Variants in GOLGA8J observed in about 807,000 individuals in gnomAD.
GOLGA8J encodes the protein golgin A8 family member J.
Under a neutral mutation model 67.7 loss-of-function variants are expected in GOLGA8J, and 19 were observed. That is an observed-to-expected ratio of 0.28 (90% CI 0.20 to 0.41). The LOEUF (loss-of-function observed/expected upper bound fraction) is 0.41. Ranked by LOEUF, GOLGA8J falls within the 10% of genes least tolerant of loss-of-function variation. The pLI is 1.00. For missense variants in GOLGA8J, 205 were observed against 584.3 expected, an observed-to-expected ratio of 0.35 and a Z score of 6.69; for synonymous variants, 69 against 215.9, an observed-to-expected ratio of 0.32 and a Z score of 5.97.
Position 30,084,916 on chromosome 15 carries a change from G to A in GOLGA8J, c.168+26G>A. The A allele has an allele frequency of 1.3e-6, 2 of 1,491,282 alleles. 1 individual carries two copies. The allele number at this position is 1,491,282 out of a possible 1,614,324, so 92.4% of individuals were successfully genotyped here. A position where few individuals can be genotyped will look rare whatever the true frequency, so the allele number is the denominator to read the frequency against. On this transcript the variant is annotated intron_variant, in intron 2 of 18. Coordinates refer to ENST00000567927, the MANE Select transcript of GOLGA8J (RefSeq NM_001282472.2). ...GTGAGTCTTGGCTGACCAGGCTTCT[G>A]GGGACAGGGGGCCCAAGGGGCAGTA...
chr15:30,095,372 G>A lies in GOLGA8J; in HGVS notation c.*1873G>A, dbSNP rs1250789271. Among the ~76,000 whole-genome samples the A allele has an allele frequency of 2.8e-5, 4 of 141,160 alleles. No individual in the cohort carries two copies. In the South Asian group the frequency reaches 6.9e-4, roughly 24 times the overall value. The allele number at this position is 141,160 out of a possible 152,430, so 92.6% of individuals were successfully genotyped here. A position where few individuals can be genotyped will look rare whatever the true frequency, so the allele number is the denominator to read the frequency against. On this transcript the variant is annotated 3_prime_UTR_variant, in exon 19 of 19. Transcript: ENST00000567927. ...ATTCACTGAAAGAGTGCAAATATTC[G>A]GTCCTTGTGACTTCCACTGACTCTT... is the stretch of plus-strand genomic sequence containing the variant.
At chr15:30,084,360 G>A (rs2057327918) in intron 1 of GOLGA8J, among the ~76,000 whole-genome samples, 1 of 126,912 alleles carries the variant, frequency 7.9e-6, no homozygotes, top group South Asian at 2.6e-4. Context: ...CTGCCATGAG[G>A]ACACATTGAT....
chr15:30,091,964 T>G lies in GOLGA8J; in HGVS notation c.1277-78T>G, dbSNP rs540016302. ...GAGGGGCAGGCTCAGGGTTACACAG[T>G]GAGGGTGGAGGTAGAGGTGGGCCCA... On this transcript the variant is annotated intron_variant, in intron 14 of 18. Coordinates refer to ENST00000567927, the MANE Select transcript of GOLGA8J (RefSeq NM_001282472.2). The G allele has an allele frequency of 2.5e-5, 38 of 1,491,154 alleles. No individual in the cohort carries two copies. The African/African-American group carries it at 5.1e-4, about 20-fold the overall frequency. The allele number at this position is 1,491,154 out of a possible 1,614,324, so 92.4% of individuals were successfully genotyped here. A position where few individuals can be genotyped will look rare whatever the true frequency, so the allele number is the denominator to read the frequency against.
At position 30,090,488 on chromosome 15, in the gene GOLGA8J, A is replaced by T. The variant is rs534691008; in HGVS notation, c.1200+208A>T. The stretch of plus-strand genomic sequence containing the variant: ...CCCTGGGCTCCTCTAAGGTCTGGAC[A>T]TCATCATCCCAGCTAGAGGCATGGA... On this transcript the variant is annotated intron_variant, in intron 13 of 18. Coordinates refer to ENST00000567927, the MANE Select transcript of GOLGA8J (RefSeq NM_001282472.2). Among the ~76,000 whole-genome samples, 550 of 148,022 alleles carry T rather than the reference A, an allele frequency of 3.7e-3. 39 individuals are homozygous for T. Among genetic ancestry groups the T allele is most frequent in the African/African-American group, 0.014 (527 of 38,868 alleles).
At position 30,089,036 on chromosome 15, in the gene GOLGA8J, A is replaced by G; in HGVS notation, c.782A>G (p.Gln261Arg). Residue 261 changes from glutamine to arginine, a missense_variant, in exon 10 of 19, where the codon CAG becomes CGG. Physicochemically the swap from Gln to Arg is conservative, Grantham distance 43 (BLOSUM62 1). Coordinates refer to ENST00000567927, the MANE Select transcript of GOLGA8J (RefSeq NM_001282472.2). ...CAGCAGAGGATGAGAAAAATGTCGC[A>G]GGAGGTGAGATCTGACCCTTCAGCC... ...RWQQRMRKMSQEICTLKKEKQ... is the reference protein window; with the variant it reads ...RWQQRMRKMSREICTLKKEKQ... 8.3e-7 allele frequency: 1 copy of G among 1,201,138 alleles called. No homozygotes were observed. Among genetic ancestry groups the G allele is most frequent in the East Asian group, 2.5e-5 (1 of 40,312 alleles). The allele number at this position is 1,201,138 out of a possible 1,614,324, so 74.4% of individuals were successfully genotyped here.
Position 30,085,284 on chromosome 15 carries a change from A to G in GOLGA8J, c.168+394A>G, listed in dbSNP as rs866157511. 5.6e-3 allele frequency among the ~76,000 whole-genome samples: 574 copies of G among 103,302 alleles called. 23 individuals carry two copies. The highest frequency in any genetic ancestry group is 7.2e-3 in the Non-Finnish European group (425 of 59,320). 67.8% of individuals were successfully genotyped at this position (103,302 alleles called of 152,430 possible). On this transcript the variant is annotated intron_variant, in intron 2 of 18. Transcript: ENST00000567927. Reference sequence around the variant, plus strand: ...GACAGAGCAAGACTCTGTCTCAAAGAAAAAAAAAAAAAGGAATTCTGGGTT... The same window carrying G: ...GACAGAGCAAGACTCTGTCTCAAAGGAAAAAAAAAAAAGGAATTCTGGGTT...
Position 30,092,796 on chromosome 15 carries a change from A to G in GOLGA8J, c.1457A>G (p.Glu486Gly), listed in dbSNP as rs779508041. 2.5e-6 allele frequency: 4 copies of G among 1,577,566 alleles called. No individual in the cohort carries two copies. Among genetic ancestry groups the G allele is most frequent in the Non-Finnish European group, 3.4e-6 (4 of 1,166,776 alleles). The stretch of plus-strand genomic sequence containing the variant: ...CTCTGCTTCATCCACCACTGGCGAG[A>G]GAGATGCCATCAGTGAGTGGGAGGC... ...KELCFIHHWR[E>G]RCHQKTHHLL... The change falls in exon 16 of 19, where the codon GAG (glutamate) becomes GGG (glycine). Residue 486 changes from glutamate (E) to glycine (G), a missense_variant. Glu to Gly is a moderately conservative substitution (Grantham distance 98, BLOSUM62 -2). Transcript: ENST00000567927.
intron 1 of GOLGA8J, 128 bp from the exon 2 acceptor site, chr15:30,084,643 C>T: frequency 2.0e-6 from 1 of 496,938 alleles, no homozygotes; most frequent in Middle Eastern, 5.8e-4. Flanking sequence ...AGTGTGACAA[C>T]ACCTTGTACA....
rs1434891025 is a variant in GOLGA8J, at chr15:30,094,349, A to C, written c.*850A>C. Among the ~76,000 whole-genome samples the C allele has an allele frequency of 1.4e-5, 2 of 147,742 alleles. No individual in the cohort carries two copies. The highest frequency in any genetic ancestry group is 3.0e-5 in the Non-Finnish European group (2 of 67,634). On this transcript the variant is annotated 3_prime_UTR_variant, in exon 19 of 19. Coordinates refer to ENST00000567927, the MANE Select transcript of GOLGA8J (RefSeq NM_001282472.2). ...TTCTGAGGAATGAAAGGTTCCCATCATTGACTGTGGATGTGGGAAACCTTT... is the reference window on the plus strand; with the variant it reads ...TTCTGAGGAATGAAAGGTTCCCATCCTTGACTGTGGATGTGGGAAACCTTT...
Position 30,092,305 on chromosome 15 carries a change from C to T in GOLGA8J, c.1368+172C>T, listed in dbSNP as rs553687370. Among the ~76,000 whole-genome samples the T allele has an allele frequency of 1.4e-4, 20 of 141,708 alleles. 2 individuals carry two copies. In the East Asian group the frequency reaches 3.5e-3, roughly 25 times the overall value. The allele number at this position is 141,708 out of a possible 152,430, so 93.0% of individuals were successfully genotyped here. On this transcript the variant is annotated intron_variant, in intron 15 of 18. Transcript: ENST00000567927. ...GGCCAACAGGTGCACTCTCTGAGGC[C>T]CCAAGGGAAGGGGTTGCGCTCCACC...
Position 30,093,527 on chromosome 15 carries a change from A to G in GOLGA8J, c.*28A>G, listed in dbSNP as rs2057437978. 3.0e-6 allele frequency: 2 copies of G among 657,836 alleles called. No individual in the cohort carries two copies. 40.7% of individuals were successfully genotyped at this position (657,836 alleles called of 1,614,324 possible). ...ATCACCATCCTCAAAGAGCTGCTCA[A>G]GAAATTTTTAAATAAGAAACCAAGT... On this transcript the variant is annotated 3_prime_UTR_variant, in exon 19 of 19. Transcript: ENST00000567927.
Position 30,090,416 on chromosome 15 carries a change from C to T in GOLGA8J, c.1200+136C>T, listed in dbSNP as rs2057387091. ...GACCACAGCACCCCCCAGGGCAGTC[C>T]TGTGACTGTTTCTTGCTTCCTGCCT... On this transcript the variant is annotated intron_variant, in intron 13 of 18. Transcript: ENST00000567927. The T allele has an allele frequency of 2.6e-6, 4 of 1,524,276 alleles. No individual in the cohort carries two copies. In the South Asian group the frequency reaches 4.7e-5, roughly 18 times the overall value. The allele number at this position is 1,524,276 out of a possible 1,614,324, so 94.4% of individuals were successfully genotyped here.
Position 30,093,244 on chromosome 15 carries a change from G to A in GOLGA8J, c.1723+5G>A, listed in dbSNP as rs1294313732. 2 of 1,585,660 alleles carry A rather than the reference G, an allele frequency of 1.3e-6. No individual in the cohort carries two copies. The highest frequency in any genetic ancestry group is 1.7e-6 in the Non-Finnish European group (2 of 1,173,840). On this transcript the variant is annotated splice_donor_5th_base_variant and intron_variant, in intron 18 of 18. Transcript: ENST00000567927. ...GGGCTGCAGACAAGCATGGTCGTGA[G>A]TAGAGCCCTCAGGTGGGGTGGGCAG...
At chr15:30,091,326 C>A (rs947979242) in intron 13 of GOLGA8J, among the ~76,000 whole-genome samples, 1 of 133,014 alleles carries the variant, frequency 7.5e-6, no homozygotes, top group Admixed American at 7.3e-5. Context: ...AGCAGCTGAC[C>A]TGTGAGAAGG....
Position 30,088,821 on chromosome 15 carries a change from A to G in GOLGA8J, c.673A>G (p.Thr225Ala). ...REEALLKVQL[T>A]QFKESFQQVQ... ...GGAGGCACTACTGAAAGTGCAGCTG[A>G]CACAGGTGAGGTTTTCTGAGGGAGT... is the stretch of plus-strand genomic sequence containing the variant. The change falls in exon 9 of 19, where the codon ACA (threonine) becomes GCA (alanine). Residue 225 changes from threonine to alanine, a missense_variant. Coordinates refer to ENST00000567927, the MANE Select transcript of GOLGA8J (RefSeq NM_001282472.2). 1 of 1,430,586 alleles carries G rather than the reference A, an allele frequency of 7.0e-7. No individual in the cohort carries two copies. Among genetic ancestry groups the G allele is most frequent in the Non-Finnish European group, 9.7e-7 (1 of 1,029,174 alleles). The allele number at this position is 1,430,586 out of a possible 1,614,324, so 88.6% of individuals were successfully genotyped here.
At position 30,088,795 on chromosome 15, in the gene GOLGA8J, A is replaced by G; in HGVS notation, c.647A>G (p.Glu216Gly). 6 of 1,547,072 alleles carry G rather than the reference A, an allele frequency of 3.9e-6. No individual in the cohort carries two copies. The highest frequency in any genetic ancestry group is 5.3e-6 in the Non-Finnish European group (6 of 1,131,598). Residue 216 changes from glutamate (E) to glycine (G), a missense_variant, in exon 9 of 19, where the codon GAG becomes GGG. Physicochemically the swap from Glu to Gly is moderately conservative, Grantham distance 98 (BLOSUM62 -2). Coordinates refer to ENST00000567927, the MANE Select transcript of GOLGA8J (RefSeq NM_001282472.2). ...TEWKLEQSMR[E>G]EALLKVQLTQ... ...TGGAAGTTAGAGCAGTCCATGCGGG[A>G]GGAGGCACTACTGAAAGTGCAGCTG... is the stretch of plus-strand genomic sequence containing the variant.
Position 30,089,967 on chromosome 15 carries a change from C to G in GOLGA8J, c.1131+11C>G. The G allele has an allele frequency of 6.6e-7, 1 of 1,523,146 alleles. No individual in the cohort carries two copies. Among genetic ancestry groups the G allele is most frequent in the East Asian group, 2.3e-5 (1 of 43,036 alleles). 94.4% of individuals were successfully genotyped at this position (1,523,146 alleles called of 1,614,324 possible). ...GTCTTCAAGGAGCCGGTGCGTTGCC[C>G]AAACTGGGGAGCTTGCCCTCCTCCC... On this transcript the variant is annotated intron_variant, in intron 12 of 18. Coordinates refer to ENST00000567927, the MANE Select transcript of GOLGA8J (RefSeq NM_001282472.2).
chr15:30,090,002 G>A lies in GOLGA8J; in HGVS notation c.1131+46G>A, dbSNP rs781096145. The A allele has an allele frequency of 5.4e-5, 78 of 1,446,492 alleles. 6 individuals are homozygous for A. In the East Asian group the frequency reaches 1.7e-3, roughly 31 times the overall value. 89.6% of individuals were successfully genotyped at this position (1,446,492 alleles called of 1,614,324 possible). A position where few individuals can be genotyped will look rare whatever the true frequency, so the allele number is the denominator to read the frequency against. On this transcript the variant is annotated intron_variant, in intron 12 of 18. Coordinates refer to ENST00000567927, the MANE Select transcript of GOLGA8J (RefSeq NM_001282472.2). The stretch of plus-strand genomic sequence containing the variant: ...AGCTTGCCCTCCTCCCTAGACCTCC[G>A]GGCCTTTGTTTCCCCACCTCTAAAA...
rs1190402992 is a variant in GOLGA8J at position 30,094,106 on chromosome 15, AC to A, written c.*609del. ...CTGTGTGTTGGTGATGGGAGTGATA[AC>A]CTTTTGGGGGAGCTTTTTAAATCTC... On this transcript the variant is annotated 3_prime_UTR_variant, in exon 19 of 19. Coordinates refer to ENST00000567927, the MANE Select transcript of GOLGA8J (RefSeq NM_001282472.2). Among the ~76,000 whole-genome samples the A allele has an allele frequency of 6.8e-6, 1 of 147,040 alleles. No homozygotes were observed. Among genetic ancestry groups the A allele is most frequent in the African/African-American group, 2.6e-5 (1 of 37,940 alleles).
Sources: allele counts gnomAD v4.1 joint callset (sites outside exome capture counted in the v4.1 genomes callset), GRCh38; gene constraint gnomAD v4.1.1; transcripts MANE v1.5; gene names NCBI Gene and HGNC (gene_info 2026-07-23, HGNC 2026-07-21).